The following SUPT20H variants were observed in gnomAD, a reference collection of about 807,000 sequenced individuals.
SUPT20H encodes the protein SPT20 homolog, SAGA complex component, also known as transcription factor SPT20 homolog.
Under a neutral mutation model 122.8 loss-of-function variants are expected in SUPT20H, and 82 were observed. The ratio of observed to expected loss-of-function variants is 0.67; its 90% confidence interval spans 0.56 to 0.80. SUPT20H has a LOEUF of 0.80. Among genes scored for constraint, SUPT20H ranks in the 30% least tolerant of loss-of-function variants. SUPT20H has a pLI of 0.00. For missense variants in SUPT20H, 831 were observed against 921.6 expected (o/e 0.90, Z 1.27); for synonymous variants, 291 against 313.0 (o/e 0.93, Z 0.74).
At chr13:37,018,504 T>C (rs2060915271) in intron 22 of SUPT20H, among the ~76,000 whole-genome samples, 1 of 152,234 alleles carries the variant, frequency 6.6e-6, no homozygotes, top group Admixed American at 6.5e-5. Flanking sequence ...GGCTGATCTG[T>C]TATTGTTATT....
At chr13:37,044,692 G>C (rs1271009632) in intron 6 of SUPT20H, among the ~76,000 whole-genome samples, 1 of 152,006 alleles carries the variant, frequency 6.6e-6, no homozygotes, top group African/African-American at 2.4e-5. Context: ...TGAAACTGAA[G>C]TGTTTCTATT....
rs1444106073 is a variant in SUPT20H at position 37,021,571 on chromosome 13, G to A, written c.1693C>T (p.Pro565Ser). 1 of 1,613,302 alleles carries A rather than the reference G, an allele frequency of 6.2e-7. No homozygotes were observed. Among genetic ancestry groups the A allele is most frequent in the Non-Finnish European group, 8.5e-7 (1 of 1,179,854 alleles). ...GAQALMSGSNPMLGCNTGAIT... is the reference protein window; with the variant it reads ...GAQALMSGSNSMLGCNTGAIT... ...GCACCAGTGTTACAGCCCAGCATGG[G>A]GTTTGAACCACTCATCAAAGCCTGG... The change falls in exon 21 of 26, where the codon CCC becomes TCC. Residue 565 changes from proline to serine, a missense_variant. Transcript: ENST00000350612.
chr13:37,046,922 T>A, intron 5 of SUPT20H: 1 of 152,156 alleles, frequency 6.6e-6, no homozygotes, highest in Non-Finnish European at 1.5e-5. Flanking sequence ...ATAGTAAAAC[T>A]GTATTCATTT....
chr13:37,010,529 T>A, intron 25 of SUPT20H, 23 bp downstream of exon 25: 1 of 1,601,510 alleles, frequency 6.2e-7, no homozygotes, highest in Non-Finnish European at 8.6e-7. Flanking sequence ...AAAAATGTAA[T>A]CAGAGTGAAG....
chr13:37,053,389 T>C (rs1385221179), intron 1 of SUPT20H, among the ~76,000 whole-genome samples: 1 of 152,120 alleles, frequency 6.6e-6, no homozygotes, highest in East Asian at 1.9e-4. Context: ...TTAATGATTC[T>C]GGAAACCATC....
In SUPT20H at chr13:37,030,885, C is replaced by T. The variant is rs536438092; in HGVS notation, c.921+682G>A. ...CTGCTGCTTCTGGCTTTGTGCTTTG[C>T]GTAATTTCTTTTTTTTAAATCAGAA... On this transcript the variant is annotated intron_variant, in intron 12 of 25. Coordinates refer to ENST00000350612, the MANE Select transcript of SUPT20H (RefSeq NM_001014286.3). Among the ~76,000 whole-genome samples, 13 of 152,120 alleles carry T rather than the reference C, an allele frequency of 8.5e-5. No homozygotes were observed. In the East Asian group the frequency reaches 1.2e-3, roughly 14 times the overall value.
intron 11 of SUPT20H, 37 bp from the exon 12 acceptor site, chr13:37,031,660 A>G (rs756207741): frequency 1.9e-6 from 3 of 1,543,080 alleles, no homozygotes; most frequent in Non-Finnish European, 1.7e-6. Flanking sequence ...AAAATTAAAA[A>G]CAATATAAAT....
intron 21 of SUPT20H, among the ~76,000 whole-genome samples, chr13:37,020,323 A>C (rs1310877797): frequency 6.6e-6 from 1 of 152,170 alleles, no homozygotes; most frequent in East Asian, 1.9e-4. Context: ...ATTTAAGAAA[A>C]TGGCTTAACC....
intron 1 of SUPT20H, among the ~76,000 whole-genome samples, chr13:37,054,942 C>CA (rs1304165660): frequency 6.6e-6 from 1 of 152,100 alleles, no homozygotes; most frequent in Admixed American, 6.6e-5. Context: ...AATCAATGTG[C>CA]AAAAATCACA....
intron 23 of SUPT20H, among the ~76,000 whole-genome samples, chr13:37,016,857 C>A (rs2060599925): frequency 6.6e-6 from 1 of 152,078 alleles, no homozygotes; most frequent in Admixed American, 6.5e-5. Flanking sequence ...TTCCCACTGC[C>A]CTACATTTTA....
Position 37,021,500 on chromosome 13 carries a change from T to A in SUPT20H, c.1764A>T (p.Gly588=), listed in dbSNP as rs1342890752. 6.2e-7 allele frequency: 1 copy of A among 1,613,866 alleles called. No homozygotes were observed. Among genetic ancestry groups the A allele is most frequent in the Non-Finnish European group, 8.5e-7 (1 of 1,179,950 alleles). ...TGGGCAGTGCATTTGGTAGCAGACC[T>A]CCTGAGGGTAGAAGGCCGCTCAGGT... ...GINLSGLLPS[G]GLLPNALPSA... Residue 588 remains glycine, a synonymous_variant, in exon 21 of 26, where the codon GGA becomes GGT. Transcript: ENST00000350612.
chr13:37,046,512 A>T (rs1044798136), intron 5 of SUPT20H, among the ~76,000 whole-genome samples: 7 of 152,332 alleles, frequency 4.6e-5, no homozygotes, highest in African/African-American at 1.7e-4. Flanking sequence ...CCTGTGAGGC[A>T]GGCCTAGACA....
chr13:37,040,173 T>C (rs180700597), intron 9 of SUPT20H: 31 of 390,978 alleles, frequency 7.9e-5, no homozygotes, highest in African/African-American at 6.0e-4. Context: ...TTTTATCTCA[T>C]TGAATATATT....
intron 22 of SUPT20H, 43 bp downstream of exon 22, chr13:37,019,299 C>T: frequency 1.3e-6 from 2 of 1,487,566 alleles, no homozygotes; most frequent in Non-Finnish European, 1.8e-6. Context: ...GAAAAAAAGT[C>T]AATGTACAAA....
intron 2 of SUPT20H, among the ~76,000 whole-genome samples, chr13:37,048,954 AC>A (rs35914801): frequency 0.83 from 126,725 of 151,864 alleles, 53,971 homozygotes; most frequent in East Asian, 1. Context: ...ATCAAAATGA[AC>A]CAAAGGCTAA....
intron 10 of SUPT20H, among the ~76,000 whole-genome samples, chr13:37,032,674 T>G (rs1405057744): frequency 6.6e-6 from 1 of 152,148 alleles, no homozygotes; most frequent in Non-Finnish European, 1.5e-5. Flanking sequence ...GCCCCCAGAC[T>G]TTTGGGGGTT....
chr13:37,012,395 T>C (rs1009286683), intron 23 of SUPT20H, 98 bp from the exon 24 acceptor site: 1 of 817,078 alleles, frequency 1.2e-6, no homozygotes, highest in African/African-American at 1.7e-5. Context: ...AAGAAAGCAG[T>C]ATTAGACTAG....
At chr13:37,054,459 T>C (rs1364231592) in intron 1 of SUPT20H, among the ~76,000 whole-genome samples, 1 of 152,190 alleles carries the variant, frequency 6.6e-6, no homozygotes, top group Non-Finnish European at 1.5e-5. Flanking sequence ...CAAGGCTGGT[T>C]CAACATACGC....
intron 9 of SUPT20H, among the ~76,000 whole-genome samples, chr13:37,036,465 C>T (rs773146134): frequency 3.3e-5 from 5 of 152,000 alleles, no homozygotes; most frequent in African/African-American, 9.7e-5. Context: ...GCTGGGACTA[C>T]AAGCGCACGC....
Sources: allele counts gnomAD v4.1 joint callset (sites outside exome capture counted in the v4.1 genomes callset), GRCh38; gene constraint gnomAD v4.1.1; transcripts MANE v1.5; gene names NCBI Gene and HGNC (gene_info 2026-07-23, HGNC 2026-07-21).